Variants in ZNF169 observed in about 807,000 individuals in gnomAD.
ZNF169 encodes the protein zinc finger protein 169.
A neutral mutation model predicts 12.0 loss-of-function variants in ZNF169; 11 were observed. That is an observed-to-expected ratio of 0.92 (90% CI 0.58 to 1.52). The LOEUF is 1.52. Ranked by LOEUF, ZNF169 falls within the 40% of genes most tolerant of loss-of-function variation. The probability of loss-of-function intolerance (pLI) is 0.00; values close to 1 mark genes in which losing one functional copy is unlikely to be tolerated. For synonymous variants in ZNF169, 302 were observed against 286.5 expected, an observed-to-expected ratio of 1.05 and a Z score of -0.55; for missense variants, 722 against 744.0, an observed-to-expected ratio of 0.97 and a Z score of 0.34.
At chr9:94,275,808 C>CA (rs1830507645) in intron 1 of ZNF169, among the ~76,000 whole-genome samples, 1 of 141,230 alleles carries the variant, frequency 7.1e-6, no homozygotes, top group Non-Finnish European at 1.5e-5. Context: ...TTTTTTGAGA[C>CA]AGTCTCACTG....
At chr9:94,273,962 A>G (rs966190527) in intron 1 of ZNF169, among the ~76,000 whole-genome samples, 3 of 152,206 alleles carry the variant, frequency 2.0e-5, no homozygotes, top group Admixed American at 6.5e-5. Flanking sequence ...GTACCACACA[A>G]TGGGTGGCTG....
chr9:94,264,386 GC>G (rs1340899325), intron 1 of ZNF169, among the ~76,000 whole-genome samples: 3 of 152,116 alleles, frequency 2.0e-5, no homozygotes, highest in Non-Finnish European at 4.4e-5. Flanking sequence ...GTCCACCTTG[GC>G]CCCCCAAAGT....
chr9:94,284,446 ATAGT>A (rs752636130), intron 2 of ZNF169, among the ~76,000 whole-genome samples: 39 of 152,316 alleles, frequency 2.6e-4, no homozygotes, highest in Non-Finnish European at 4.3e-4. Context: ...ATAAAATAAA[ATAGT>A]TAGAAGAAAC....
At position 94,292,607 on chromosome 9, in the gene ZNF169, T is replaced by TTGTGTGTGTGTG. The variant is rs138361295; in HGVS notation, c.160+163_160+174dup. 7.4e-3 allele frequency: 5,042 copies of TTGTGTGTGTGTG among 677,070 alleles called. 18 individuals carry two copies. The highest frequency in any genetic ancestry group is 0.036 in the East Asian group (1,178 of 32,522). The allele number at this position is 677,070 out of a possible 1,614,324, so 41.9% of individuals were successfully genotyped here. ...AGAATGCCTGGCTTTCACAGTGCAGTTGTGTGTGTGTGTGTGTGTGTGTGT... is the reference window on the plus strand; with the variant it reads ...AGAATGCCTGGCTTTCACAGTGCAGTTGTGTGTGTGTGTGTGTGTGTGTGTGTGTGTGTGTGT... On this transcript the variant is annotated intron_variant, in intron 3 of 4. Coordinates refer to ENST00000395395, the MANE Select transcript of ZNF169 (RefSeq NM_194320.4).
intron 4 of ZNF169, among the ~76,000 whole-genome samples, chr9:94,298,598 A>ATGG (rs1830996093): frequency 6.6e-6 from 1 of 151,826 alleles, no homozygotes; most frequent in Non-Finnish European, 1.5e-5. Context: ...TTAGCCGGGC[A>ATGG]TGGTGGTGCA....
intron 3 of ZNF169, 117 bp from the exon 4 acceptor site, chr9:94,292,857 C>T (rs992812285): frequency 2.4e-6 from 2 of 822,644 alleles, no homozygotes; most frequent in African/African-American, 1.7e-5. Context: ...TTACTCCACC[C>T]CTGCACCTCC....
At chr9:94,265,178 A>T (rs1012671007) in intron 1 of ZNF169, among the ~76,000 whole-genome samples, 1 of 151,472 alleles carries the variant, frequency 6.6e-6, no homozygotes, top group African/African-American at 2.4e-5. Flanking sequence ...TCAGGCTGCT[A>T]TTTTTCGTGG....
intron 1 of ZNF169, among the ~76,000 whole-genome samples, chr9:94,274,313 A>T (rs1452648058): frequency 1.3e-5 from 2 of 152,212 alleles, no homozygotes; most frequent in Admixed American, 6.5e-5. Flanking sequence ...AGCCTGGAAC[A>T]GCTCCAAGTC....
chr9:94,267,419 A>G (rs1194200820), intron 1 of ZNF169, among the ~76,000 whole-genome samples: 1 of 152,214 alleles, frequency 6.6e-6, no homozygotes, highest in Non-Finnish European at 1.5e-5. Context: ...AGTTTTTCCA[A>G]TTGTGTCCTG....
chr9:94,268,176 AC>A (rs1422348518), intron 1 of ZNF169, among the ~76,000 whole-genome samples: 2 of 152,016 alleles, frequency 1.3e-5, no homozygotes, highest in East Asian at 3.9e-4. Context: ...AGCCTATAAA[AC>A]TGCCTTCTAA....
intron 4 of ZNF169, chr9:94,293,458 C>T (rs559454562): frequency 2.9e-5 from 14 of 481,236 alleles, no homozygotes; most frequent in South Asian, 2.3e-4. Context: ...GTTCTGTCAC[C>T]CAGGCTGGAG....
intron 2 of ZNF169, among the ~76,000 whole-genome samples, chr9:94,283,814 A>G (rs1260748186): frequency 6.6e-6 from 1 of 152,178 alleles, no homozygotes; most frequent in Non-Finnish European, 1.5e-5. Context: ...CACACCTGTA[A>G]TCCCAGCACT....
intron 1 of ZNF169, among the ~76,000 whole-genome samples, chr9:94,261,723 G>A (rs748726860): frequency 6.6e-6 from 1 of 152,166 alleles, no homozygotes; most frequent in Admixed American, 6.5e-5. Flanking sequence ...ACTTAACCTC[G>A]TGGAGCTGCT....
chr9:94,296,855 C>G (rs1587689089), intron 4 of ZNF169: 1 of 455,652 alleles, frequency 2.2e-6, no homozygotes, highest in East Asian at 7.0e-5. Context: ...ACTAGTCTGG[C>G]CAACATAGTG....
Position 94,292,345 on chromosome 9 carries a change from T to C in ZNF169, c.38T>C (p.Leu13Ser). The change falls in exon 3 of 5, where the codon TTG becomes TCG. Residue 13 changes from leucine (L) to serine (S), a missense_variant. Leu to Ser is a moderately radical substitution (Grantham distance 145, BLOSUM62 -2). Transcript: ENST00000395395. ...PGLLTTRKEA[L>S]MAFRDVAVAF... ...AGGGATGTGTTTGTGTTACAGGCAT[T>C]GATGGCCTTCCGGGATGTGGCTGTG... is the stretch of plus-strand genomic sequence containing the variant. The C allele has an allele frequency of 3.1e-6, 5 of 1,614,118 alleles. No individual in the cohort carries two copies. The highest frequency in any genetic ancestry group is 4.2e-6 in the Non-Finnish European group (5 of 1,180,028).
intron 2 of ZNF169, among the ~76,000 whole-genome samples, chr9:94,280,581 T>A (rs1372415544): frequency 1.3e-5 from 2 of 152,184 alleles, no homozygotes; most frequent in African/African-American, 4.8e-5. Context: ...AAATTTAATT[T>A]TCTCAGCAAG....
At position 94,300,913 on chromosome 9, in the gene ZNF169, A is replaced by G. The variant is rs776936213; in HGVS notation, c.1355A>G (p.His452Arg). ...ACCCTCATTGGACACCAGAGGACAC[A>G]CACAGGGGAGAAGCCCTACCTGTGC... ...KVTLIGHQRT[H>R]TGEKPYLCPD... Residue 452 changes from histidine to arginine, a missense_variant, in exon 5 of 5, where the codon CAC becomes CGC. Transcript: ENST00000395395. 5.0e-6 allele frequency: 8 copies of G among 1,613,940 alleles called. No homozygotes were observed. Among genetic ancestry groups the G allele is most frequent in the Non-Finnish European group, 6.8e-6 (8 of 1,179,958 alleles).
intron 4 of ZNF169, among the ~76,000 whole-genome samples, chr9:94,296,454 A>T (rs1034900147): frequency 5.9e-5 from 9 of 152,172 alleles, no homozygotes; most frequent in Non-Finnish European, 1.0e-4. Context: ...GGTCAAAAAG[A>T]TTCTCATTTT....
At position 94,300,895 on chromosome 9, in the gene ZNF169, T is replaced by C. The variant is rs141510933; in HGVS notation, c.1337T>C (p.Ile446Thr). The C allele has an allele frequency of 6.9e-5, 111 of 1,611,706 alleles. No individual in the cohort carries two copies. In the Middle Eastern group the frequency reaches 8.2e-4, roughly 12 times the overall value. Residue 446 changes from isoleucine to threonine, a missense_variant, in exon 5 of 5, where the codon ATT (isoleucine) becomes ACT (threonine). Ile to Thr is a moderately conservative substitution (Grantham distance 89). Transcript: ENST00000395395. The part of the protein sequence containing the change: ...GRGFSQKVTL[I>T]GHQRTHTGEK... ...GGTTTTAGCCAGAAGGTCACCCTCA[T>C]TGGACACCAGAGGACACACACAGGG...
Sources: gnomAD v4.1 joint callset for allele counts (sites outside exome capture counted in the v4.1 genomes callset) on GRCh38, gnomAD v4.1.1 for gene constraint, MANE v1.5 for transcripts, NCBI Gene and HGNC (gene_info 2026-07-23, HGNC 2026-07-21) for gene names.